ADAMTS18: variants seen among roughly 807,000 people sequenced by gnomAD.
The protein encoded by ADAMTS18 is ADAM metallopeptidase with thrombospondin type 1 motif 18.
In ADAMTS18, 157 loss-of-function variants were observed where a neutral mutation model predicts 165.9. That is an observed-to-expected ratio of 0.95 (90% CI 0.83 to 1.08). The LOEUF is 1.08. Among genes scored for constraint, ADAMTS18 ranks in the 50% least tolerant of loss-of-function variants. The pLI is 0.00. For synonymous variants in ADAMTS18, 782 were observed against 578.2 expected (o/e 1.35, Z -5.06); for missense variants, 2,040 against 1,534.0 (o/e 1.33, Z -5.51).
In ADAMTS18 at chr16:77,330,467, G is replaced by A. The variant is rs139521026; in HGVS notation, c.1860-4429C>T. 6.4e-4 allele frequency among the ~76,000 whole-genome samples: 97 copies of A among 152,278 alleles called. No individual in the cohort carries two copies. In the East Asian group the frequency reaches 0.017, roughly 27 times the overall value. ...GGGGACTTGAGCAAGAGTTGCTACCGTGAATGGGGCCCTCTTCCTCCCCTG... is the reference window on the plus strand; with the variant it reads ...GGGGACTTGAGCAAGAGTTGCTACCATGAATGGGGCCCTCTTCCTCCCCTG... On this transcript the variant is annotated intron_variant, in intron 12 of 22. Coordinates refer to ENST00000282849, the MANE Select transcript of ADAMTS18 (RefSeq NM_199355.4).
At chr16:77,304,207 C>A (rs1201069785) in intron 16 of ADAMTS18, among the ~76,000 whole-genome samples, 3 of 152,136 alleles carry the variant, frequency 2.0e-5, no homozygotes, top group African/African-American at 4.8e-5. Context: ...AGTTTCTGGC[C>A]AGGCACTTTG....
chr16:77,415,791 A>G (rs2057523027), intron 3 of ADAMTS18, among the ~76,000 whole-genome samples: 1 of 152,024 alleles, frequency 6.6e-6, no homozygotes, highest in Admixed American at 6.6e-5. Flanking sequence ...AAGACACGCC[A>G]TTGATGTTTT....
chr16:77,403,991 CCCACCCTTCCTCCCTCCCTCCCT>C (rs1352916902), intron 3 of ADAMTS18, among the ~76,000 whole-genome samples: 1 of 125,132 alleles, frequency 8.0e-6, no homozygotes, highest in Middle Eastern at 3.7e-3. Context: ...CTGGAAGCAA[CCCACCCTTCCTCCCTCCCTCCCT>C]CCCTCCCTCC....
chr16:77,370,403 C>T (rs1597184681), intron 3 of ADAMTS18, among the ~76,000 whole-genome samples: 1 of 152,110 alleles, frequency 6.6e-6, no homozygotes, highest in African/African-American at 2.4e-5. Flanking sequence ...CAAAAATCAA[C>T]ACAAAACATC....
At chr16:77,405,314 T>C (rs977434551) in intron 3 of ADAMTS18, among the ~76,000 whole-genome samples, 22 of 152,172 alleles carry the variant, frequency 1.4e-4, no homozygotes, top group Non-Finnish European at 3.2e-4. Flanking sequence ...CTCGAGCACC[T>C]TTCCATCCCA....
intron 12 of ADAMTS18, among the ~76,000 whole-genome samples, chr16:77,334,661 T>G (rs1427018852): frequency 8.8e-6 from 1 of 113,550 alleles, no homozygotes; most frequent in East Asian, 2.5e-4. Flanking sequence ...CTATATACTG[T>G]ATATAGTGCA....
At chr16:77,394,823 T>C (rs1443577186) in intron 3 of ADAMTS18, among the ~76,000 whole-genome samples, 2 of 152,212 alleles carry the variant, frequency 1.3e-5, no homozygotes, top group Non-Finnish European at 2.9e-5. Flanking sequence ...AGGCTTGAGA[T>C]GGTCCTTTAG....
intron 12 of ADAMTS18, among the ~76,000 whole-genome samples, chr16:77,335,400 G>T (rs80030521): frequency 0.031 from 4,764 of 151,966 alleles, 99 homozygotes; most frequent in Non-Finnish European, 0.049. Flanking sequence ...TAGTTAGAAT[G>T]AGTAAGATCT....
chr16:77,375,427 A>G (rs1166181468), intron 3 of ADAMTS18, among the ~76,000 whole-genome samples: 1 of 152,170 alleles, frequency 6.6e-6, no homozygotes, highest in Non-Finnish European at 1.5e-5. Flanking sequence ...GTTCCATGAG[A>G]TAAAATAATA....
chr16:77,339,258 G>C (rs1024909359), intron 11 of ADAMTS18, among the ~76,000 whole-genome samples: 10 of 152,078 alleles, frequency 6.6e-5, no homozygotes, highest in Non-Finnish European at 1.2e-4. Context: ...ATCATTACAC[G>C]GGAGTGATGA....
chr16:77,288,590 C>G (rs911471117), intron 22 of ADAMTS18, among the ~76,000 whole-genome samples: 1 of 152,062 alleles, frequency 6.6e-6, no homozygotes, highest in Non-Finnish European at 1.5e-5. Context: ...AGGTATAGTC[C>G]TAGGGCAATA....
chr16:77,418,472 G>A (rs763052192), intron 3 of ADAMTS18, among the ~76,000 whole-genome samples: 3 of 152,092 alleles, frequency 2.0e-5, no homozygotes, highest in Non-Finnish European at 4.4e-5. Flanking sequence ...AGAGAGGCCT[G>A]GAATGCTGCT....
At chr16:77,388,328 G>A (rs1348144746) in intron 3 of ADAMTS18, among the ~76,000 whole-genome samples, 1 of 152,180 alleles carries the variant, frequency 6.6e-6, no homozygotes, top group Non-Finnish European at 1.5e-5. Context: ...CTGAACTCAT[G>A]ACCTCAAGTG....
chr16:77,329,879 C>A (rs1336499116), intron 12 of ADAMTS18, among the ~76,000 whole-genome samples: 1 of 152,036 alleles, frequency 6.6e-6, no homozygotes, highest in Non-Finnish European at 1.5e-5. Flanking sequence ...TGATTTTGTC[C>A]TTATATTAGA....
chr16:77,289,726 C>T (rs2055326559), intron 21 of ADAMTS18, among the ~76,000 whole-genome samples: 1 of 152,186 alleles, frequency 6.6e-6, no homozygotes, highest in African/African-American at 2.4e-5. Context: ...GAAACAAATA[C>T]AGACACACCT....
chr16:77,334,912 T>C (rs2056281871), intron 12 of ADAMTS18, among the ~76,000 whole-genome samples: 1 of 138,232 alleles, frequency 7.2e-6, no homozygotes, highest in African/African-American at 2.7e-5. Flanking sequence ...ATACTGTACA[T>C]TATAGTATAT....
intron 16 of ADAMTS18, among the ~76,000 whole-genome samples, chr16:77,303,737 A>T (rs2055629993): frequency 6.6e-6 from 1 of 152,188 alleles, no homozygotes; most frequent in African/African-American, 2.4e-5. Context: ...ATTTGGGTTA[A>T]AAATCAAGTG....
At chr16:77,302,086 T>C (rs2055595142) in intron 16 of ADAMTS18, among the ~76,000 whole-genome samples, 2 of 150,596 alleles carry the variant, frequency 1.3e-5, no homozygotes, top group South Asian at 4.3e-4. Flanking sequence ...TAACACAACA[T>C]TTCACACATG....
rs115616320 is a variant in ADAMTS18 at position 77,290,227 on chromosome 16, A to G, written c.3403-816T>C. Among the ~76,000 whole-genome samples the G allele has an allele frequency of 5.5e-3, 836 of 152,324 alleles. 11 individuals carry two copies. Among genetic ancestry groups the G allele is most frequent in the African/African-American group, 0.019 (785 of 41,566 alleles). ...GGGGAAGATAGATAGTAAATATTTC[A>G]GGCTGTATAGGCATACGGCCTCTGT... On this transcript the variant is annotated intron_variant, in intron 21 of 22. Transcript: ENST00000282849.
Sources: allele counts gnomAD v4.1 joint callset (sites outside exome capture counted in the v4.1 genomes callset), GRCh38; gene constraint gnomAD v4.1.1; transcripts MANE v1.5; gene names NCBI Gene and HGNC (gene_info 2026-07-23, HGNC 2026-07-21).